Variants in AXIN1 observed in about 807,000 individuals in gnomAD.
The protein encoded by AXIN1 is axin-1.
A neutral mutation model predicts 76.4 loss-of-function variants in AXIN1; 30 were observed. The ratio of observed to expected loss-of-function variants is 0.39; its 90% CI spans 0.29 to 0.53. The LOEUF (loss-of-function observed/expected upper bound fraction) is 0.53. AXIN1 is among the 20% of genes least tolerant of loss of function. AXIN1 has a pLI of 0.66. For synonymous variants in AXIN1, 545 were observed against 501.4 expected, an observed-to-expected ratio of 1.09 and a Z score of -1.16; for missense variants, 1,140 against 1,198.8, an observed-to-expected ratio of 0.95 and a Z score of 0.72.
At position 319,711 on chromosome 16, in the gene AXIN1, G is replaced by A. The variant is rs989456402; in HGVS notation, c.879-5028C>T. Among the ~76,000 whole-genome samples the A allele has an allele frequency of 1.7e-4, 26 of 152,168 alleles. No individual in the cohort carries two copies. The East Asian group carries it at 3.7e-3, about 21-fold the overall frequency. On this transcript the variant is annotated intron_variant, in intron 2 of 10. Transcript: ENST00000262320. ...CCACATCCAGCATGGCCACGGCACC[G>A]GCTCTCTGGTCACTGTGGTACTTTC... is the stretch of plus-strand genomic sequence containing the variant.
intron 4 of AXIN1, among the ~76,000 whole-genome samples, chr16:307,605 G>A (rs547394245): frequency 4.3e-4 from 65 of 152,292 alleles, no homozygotes; most frequent in South Asian, 2.5e-3. Context: ...CTCCAACTCT[G>A]ATGGGCAGGT....
At chr16:295,063 CA>C (rs1247311711) in intron 7 of AXIN1, among the ~76,000 whole-genome samples, 3,307 of 60,584 alleles carry the variant, frequency 0.055, 81 homozygotes, top group African/African-American at 0.13. Flanking sequence ...GACTCCGTCT[CA>C]AAAAAAAAAA....
At chr16:288,781 G>A (rs769616988) in intron 10 of AXIN1, among the ~76,000 whole-genome samples, 3 of 152,258 alleles carry the variant, frequency 2.0e-5, no homozygotes, top group Non-Finnish European at 2.9e-5. Context: ...GAGTGGCCCA[G>A]GGCGAATGAA....
intron 3 of AXIN1, among the ~76,000 whole-genome samples, chr16:310,497 C>T (rs1025675777): frequency 3.9e-5 from 6 of 152,048 alleles, no homozygotes; most frequent in Admixed American, 2.0e-4. Context: ...CCCGGGTTCA[C>T]GCTATTCTCC....
chr16:303,796 CAA>C (rs1158069869), intron 5 of AXIN1, among the ~76,000 whole-genome samples: 2 of 152,204 alleles, frequency 1.3e-5, no homozygotes, highest in Non-Finnish European at 2.9e-5. Context: ...CTGAACTAAG[CAA>C]AGAGTCCTAC....
intron 1 of AXIN1, among the ~76,000 whole-genome samples, chr16:348,566 G>C (rs945182280): frequency 2.0e-5 from 3 of 152,212 alleles, no homozygotes; most frequent in Non-Finnish European, 1.5e-5. Context: ...TCAGGAGGCT[G>C]AGGCTGGAGG....
intron 10 of AXIN1, among the ~76,000 whole-genome samples, chr16:289,061 T>C (rs1386663640): frequency 6.7e-6 from 1 of 150,214 alleles, no homozygotes; most frequent in Non-Finnish European, 1.5e-5. Flanking sequence ...TGAGCTGAAA[T>C]GGCCGGAAGC....
intron 2 of AXIN1, among the ~76,000 whole-genome samples, chr16:315,142 C>T (rs114339236): frequency 4.9e-4 from 74 of 152,270 alleles, no homozygotes; most frequent in African/African-American, 1.7e-3. Context: ...ATGTCAGGGC[C>T]GGTATGTGAC....
At chr16:345,629 G>C (rs370426166) in intron 2 of AXIN1, among the ~76,000 whole-genome samples, 1 of 151,734 alleles carries the variant, frequency 6.6e-6, no homozygotes, top group Admixed American at 6.6e-5. Flanking sequence ...CAGGAGAATC[G>C]CTCAAACCCG....
chr16:309,262 A>G (rs1262527101), intron 4 of AXIN1, among the ~76,000 whole-genome samples: 2 of 151,898 alleles, frequency 1.3e-5, no homozygotes, highest in Non-Finnish European at 1.5e-5. Context: ...CCCGGGAGGC[A>G]GAGCTTGCAG....
intron 1 of AXIN1, among the ~76,000 whole-genome samples, chr16:351,106 T>C (rs949340031): frequency 1.5e-5 from 2 of 136,648 alleles, no homozygotes; most frequent in Non-Finnish European, 3.1e-5. Flanking sequence ...GACTCCAGCC[T>C]GGGCAACAAG....
At position 309,995 on chromosome 16, in the gene AXIN1, C is replaced by T. The variant is rs200837956; in HGVS notation, c.1094G>A (p.Arg365Gln). The T allele has an allele frequency of 3.6e-5, 58 of 1,613,372 alleles. No individual in the cohort carries two copies. The highest frequency in any genetic ancestry group is 3.3e-4 in the Middle Eastern group (2 of 6,068). Residue 365 changes from arginine (R) to glutamine (Q), a missense_variant, in exon 4 of 11, where the codon CGG becomes CAG. Transcript: ENST00000262320. ...TACGGGAATGTGAGGTAGGGGCACC[C>T]GCCCATTGACCTGCACGCTCTCCTG... ...EMQESVQVNG[R>Q]VPLPHIPRTY...
chr16:326,694 G>A (rs2141643111), intron 2 of AXIN1, among the ~76,000 whole-genome samples: 1 of 148,148 alleles, frequency 6.8e-6, no homozygotes, highest in African/African-American at 2.5e-5. Flanking sequence ...TGCAGTGAGC[G>A]AGATCGCGCC....
rs541926628 is a variant in AXIN1, at chr16:350,154, T to C, written c.-82+2215A>G. The stretch of plus-strand genomic sequence containing the variant: ...CCAGAAGAAAATTTTCTTACAATCA[T>C]GTGTATTTTTGGCTGTCAACTGACA... On this transcript the variant is annotated intron_variant, in intron 1 of 10. Transcript: ENST00000262320. Among the ~76,000 whole-genome samples, 6 of 152,308 alleles carry C rather than the reference T, an allele frequency of 3.9e-5. 1 individual carries two copies. Among genetic ancestry groups the C allele is most frequent in the African/African-American group, 9.6e-5 (4 of 41,552 alleles).
At chr16:291,443 G>T in intron 8 of AXIN1, 146 bp from the exon 9 acceptor site, 1 of 719,416 alleles carries the variant, frequency 1.4e-6, no homozygotes, top group Non-Finnish European at 2.5e-6. Flanking sequence ...TTGCAGGGTA[G>T]ACAAGACACC....
chr16:339,510 C>CAAA (rs35043577), intron 2 of AXIN1, among the ~76,000 whole-genome samples: 7 of 67,528 alleles, frequency 1.0e-4, no homozygotes, highest in Admixed American at 1.8e-4. Context: ...GACTCCATCT[C>CAAA]AAAAAAAAAA....
chr16:344,849 C>T lies in AXIN1; in HGVS notation c.878+1299G>A, dbSNP rs559812299. ...AGTTTAACCTTAGACATGTTTAATC[C>T]TGTGTTGATGAGCGAGTAGCCAATT... is the stretch of plus-strand genomic sequence containing the variant. On this transcript the variant is annotated intron_variant, in intron 2 of 10. Transcript: ENST00000262320. 6.6e-5 allele frequency among the ~76,000 whole-genome samples: 10 copies of T among 152,284 alleles called. No individual in the cohort carries two copies. In the East Asian group the frequency reaches 1.9e-3, roughly 29 times the overall value.
chr16:308,230 G>A (rs1001586300), intron 4 of AXIN1, among the ~76,000 whole-genome samples: 2 of 152,096 alleles, frequency 1.3e-5, no homozygotes, highest in African/African-American at 4.8e-5. Context: ...TGCTTCCCTC[G>A]GTTCTGGAAG....
chr16:287,544 C>T lies in AXIN1; in HGVS notation c.*578G>A. 3.3e-6 allele frequency: 1 copy of T among 304,536 alleles called. No individual in the cohort carries two copies. The allele number at this position is 304,536 out of a possible 1,614,324, so 18.9% of individuals were successfully genotyped here. On this transcript the variant is annotated 3_prime_UTR_variant, in exon 11 of 11. Coordinates refer to ENST00000262320, the MANE Select transcript of AXIN1 (RefSeq NM_003502.4). ...GAAAAACAGACTCGGGCAGCCCCTG[C>T]TGGCCTAGCCTGAGAAATGTACATA... is the stretch of plus-strand genomic sequence containing the variant.
Sources: allele counts gnomAD v4.1 joint callset (sites outside exome capture counted in the v4.1 genomes callset), GRCh38; gene constraint gnomAD v4.1.1; transcripts MANE v1.5; gene names NCBI Gene and HGNC (gene_info 2026-07-23, HGNC 2026-07-21).